R3HCC1L: variants seen among roughly 807,000 people sequenced by gnomAD.
The protein encoded by R3HCC1L is R3H domain and coiled-coil containing 1 like, also known as coiled-coil domain-containing protein R3HCC1L.
R3HCC1L carries 51 observed loss-of-function variants against 59.9 expected under a neutral mutation model. The observed-to-expected ratio is 0.85, with a 90% CI of 0.68 to 1.07. The LOEUF is 1.07. R3HCC1L is among the 50% of genes least tolerant of loss of function. The probability of loss-of-function intolerance (pLI) is 0.00; values close to 1 mark genes in which losing one functional copy is unlikely to be tolerated. For missense variants in R3HCC1L, 965 were observed against 933.0 expected, an observed-to-expected ratio of 1.03 and a Z score of -0.45; for synonymous variants, 322 against 315.2, an observed-to-expected ratio of 1.02 and a Z score of -0.23.
intron 4 of R3HCC1L, among the ~76,000 whole-genome samples, chr10:98,184,058 C>T (rs1009207500): frequency 4.9e-5 from 7 of 142,184 alleles, no homozygotes; most frequent in South Asian, 2.2e-4. Context: ...TTTCCTGAGA[C>T]GTGTGTGTGT....
At chr10:98,198,361 A>G (rs1428759131) in intron 4 of R3HCC1L, among the ~76,000 whole-genome samples, 1 of 152,142 alleles carries the variant, frequency 6.6e-6, no homozygotes, top group Non-Finnish European at 1.5e-5. Context: ...AAATGGACAT[A>G]TACACTGCTG....
intron 8 of R3HCC1L, 78 bp downstream of exon 8, chr10:98,235,598 A>G (rs1856843054): frequency 1.0e-6 from 1 of 989,036 alleles, no homozygotes; most frequent in South Asian, 1.6e-5. Flanking sequence ...TAGCATCCAG[A>G]CATCTAAAGA....
intron 9 of R3HCC1L, among the ~76,000 whole-genome samples, chr10:98,242,364 A>G (rs1857621793): frequency 6.6e-6 from 1 of 152,224 alleles, no homozygotes; most frequent in South Asian, 2.1e-4. Context: ...AAAAAGGTTC[A>G]GAATTCTGAA....
chr10:98,233,631 G>A (rs117216273), intron 6 of R3HCC1L, among the ~76,000 whole-genome samples: 2 of 152,292 alleles, frequency 1.3e-5, no homozygotes, highest in East Asian at 3.9e-4. Flanking sequence ...CTGAGTCCAT[G>A]AGCATTTTTA....
chr10:98,188,937 T>A (rs886474509), intron 4 of R3HCC1L, among the ~76,000 whole-genome samples: 1 of 152,176 alleles, frequency 6.6e-6, no homozygotes, highest in Non-Finnish European at 1.5e-5. Flanking sequence ...TTCATAGGGT[T>A]GTTGGGAGAA....
intron 4 of R3HCC1L, 83 bp from the exon 5 acceptor site, chr10:98,208,018 C>G (rs1294904420): frequency 3.1e-6 from 4 of 1,290,264 alleles, no homozygotes; most frequent in Non-Finnish European, 3.1e-6. Context: ...GTGTGAGACT[C>G]TGTCCCAAAA....
chr10:98,235,778 C>T (rs1856870167), intron 8 of R3HCC1L, among the ~76,000 whole-genome samples: 1 of 152,204 alleles, frequency 6.6e-6, no homozygotes, highest in Non-Finnish European at 1.5e-5. Flanking sequence ...ACCTAGTTTA[C>T]CTCTGTGTTT....
intron 1 of R3HCC1L, among the ~76,000 whole-genome samples, chr10:98,155,241 G>T (rs1459154810): frequency 6.6e-6 from 1 of 152,172 alleles, no homozygotes; most frequent in African/African-American, 2.4e-5. Flanking sequence ...TTAATTAAAT[G>T]TGTTATTTGC....
At chr10:98,137,192 A>T (rs1207527910) in intron 1 of R3HCC1L, among the ~76,000 whole-genome samples, 5 of 152,216 alleles carry the variant, frequency 3.3e-5, no homozygotes, top group Admixed American at 3.3e-4. Flanking sequence ...GCCTGGCGAC[A>T]GAGCAAGACT....
intron 5 of R3HCC1L, among the ~76,000 whole-genome samples, chr10:98,219,153 C>T (rs1013024844): frequency 2.1e-4 from 32 of 152,344 alleles, no homozygotes; most frequent in African/African-American, 7.5e-4. Context: ...CTCAAGTGAT[C>T]CACCTGCCTT....
chr10:98,187,556 T>A (rs1388734752), intron 4 of R3HCC1L, among the ~76,000 whole-genome samples: 3 of 151,912 alleles, frequency 2.0e-5, no homozygotes, highest in Non-Finnish European at 4.4e-5. Flanking sequence ...ATGAAGTAGG[T>A]TTTTTGGATG....
chr10:98,181,755 T>C (rs1849649111), intron 4 of R3HCC1L, among the ~76,000 whole-genome samples: 1 of 152,200 alleles, frequency 6.6e-6, no homozygotes, highest in Non-Finnish European at 1.5e-5. Context: ...CTTCATTTCA[T>C]AAATTTGATC....
chr10:98,219,977 G>A (rs954555080), intron 5 of R3HCC1L, among the ~76,000 whole-genome samples: 1 of 152,016 alleles, frequency 6.6e-6, no homozygotes, highest in Non-Finnish European at 1.5e-5. Context: ...GGTTTTTTGT[G>A]CCTTTAGCCA....
intron 9 of R3HCC1L, among the ~76,000 whole-genome samples, chr10:98,243,350 G>T (rs1239570515): frequency 6.6e-6 from 1 of 152,178 alleles, no homozygotes; most frequent in Admixed American, 6.5e-5. Context: ...CATGCAATTG[G>T]AACTGGTATT....
intron 4 of R3HCC1L, among the ~76,000 whole-genome samples, chr10:98,166,573 C>T (rs1405698715): frequency 6.6e-6 from 1 of 152,168 alleles, no homozygotes; most frequent in African/African-American, 2.4e-5. Flanking sequence ...TTTCCTCACC[C>T]ATTCCAAGCC....
intron 5 of R3HCC1L, among the ~76,000 whole-genome samples, chr10:98,221,905 A>G (rs1037483016): frequency 2.6e-5 from 4 of 152,094 alleles, no homozygotes; most frequent in African/African-American, 7.2e-5. Context: ...GTTTTTTCCA[A>G]TTCTGTGAAG....
chr10:98,152,263 T>C lies in R3HCC1L; in HGVS notation c.-267-3830T>C, dbSNP rs1427415321. Among the ~76,000 whole-genome samples, 3 of 152,214 alleles carry C rather than the reference T, an allele frequency of 2.0e-5. 1 individual carries two copies. Among genetic ancestry groups the C allele is most frequent in the Non-Finnish European group, 4.4e-5 (3 of 68,030 alleles). ...GTCTTGTTCACTCAGTGCTCAATGT[T>C]GCCCAGGCTGGAGTGCAGTGGCGCC... On this transcript the variant is annotated intron_variant, in intron 1 of 9. Coordinates refer to ENST00000298999, the MANE Select transcript of R3HCC1L (RefSeq NM_001351015.2).
intron 4 of R3HCC1L, among the ~76,000 whole-genome samples, chr10:98,171,682 G>A (rs1326995056): frequency 6.6e-6 from 1 of 152,200 alleles, no homozygotes; most frequent in Non-Finnish European, 1.5e-5. Context: ...GGATAAGTAA[G>A]CTTAGCAAAA....
intron 5 of R3HCC1L, chr10:98,231,064 T>C (rs1856326392): frequency 2.4e-6 from 1 of 420,328 alleles, no homozygotes; most frequent in East Asian, 7.1e-5. Flanking sequence ...TTTTTTGAAT[T>C]TTATTTAAAA....
Sources: gnomAD v4.1 joint callset for allele counts (sites outside exome capture counted in the v4.1 genomes callset) on GRCh38, gnomAD v4.1.1 for gene constraint, MANE v1.5 for transcripts, NCBI Gene and HGNC (gene_info 2026-07-23, HGNC 2026-07-21) for gene names.